The following PDE8B variants were observed in gnomAD, a reference collection of about 807,000 sequenced individuals.
PDE8B encodes high affinity cAMP-specific and IBMX-insensitive 3',5'-cyclic phosphodiesterase 8B.
In PDE8B, 26 loss-of-function variants were observed where a neutral mutation model predicts 101.3. The observed-to-expected ratio is 0.26, with a 90% CI of 0.19 to 0.36. The LOEUF is 0.36. PDE8B is among the 10% of genes least tolerant of loss of function. The probability of loss-of-function intolerance (pLI) is 1.00; values close to 1 mark genes in which losing one functional copy is unlikely to be tolerated. For synonymous variants in PDE8B, 424 were observed against 429.3 expected (o/e 0.99, Z 0.15); for missense variants, 810 against 1,163.1 (o/e 0.70, Z 4.42).
chr5:77,210,672 G>C (rs1198145202), upstream of PDE8B: 23 of 980,952 alleles, frequency 2.3e-5, no homozygotes, highest in Non-Finnish European at 2.3e-5. The surrounding 1 kb of genome is among the most constrained non-coding windows in gnomAD (Gnocchi z 4.9). Flanking sequence ...TGGTGCGCGC[G>C]GGGCGCTGTG....
intron 1 of PDE8B, among the ~76,000 whole-genome samples, chr5:77,311,638 T>C (rs186307769): frequency 1.1e-3 from 170 of 152,342 alleles, no homozygotes; most frequent in African/African-American, 3.0e-3. Context: ...CAGCACATAG[T>C]AGGTGCTCAA....
At chr5:77,404,107 C>T (rs1260234139) in intron 11 of PDE8B, among the ~76,000 whole-genome samples, 1 of 152,214 alleles carries the variant, frequency 6.6e-6, no homozygotes, top group Non-Finnish European at 1.5e-5. Flanking sequence ...CCTGCCTCAG[C>T]CTCCTGGGTA....
chr5:77,095,911 AC>A, the PDE8B span, among the ~76,000 whole-genome samples: 1 of 152,008 alleles, frequency 6.6e-6, no homozygotes, highest in African/African-American at 2.4e-5. Flanking sequence ...CTCAAACTAG[AC>A]CCTATTCAGA....
At chr5:77,393,069 C>T (rs1306038222) in intron 10 of PDE8B, among the ~76,000 whole-genome samples, 1 of 152,074 alleles carries the variant, frequency 6.6e-6, no homozygotes, top group Non-Finnish European at 1.5e-5. Flanking sequence ...AGGTTTAGCC[C>T]AAATTGTAGG....
rs945199695 is a variant in PDE8B, at chr5:77,413,374, T to C, written c.1911+65T>C. The C allele has an allele frequency of 1.1e-5, 15 of 1,397,922 alleles. 1 individual carries two copies. The African/African-American group carries it at 2.1e-4, about 20-fold the overall frequency. The allele number at this position is 1,397,922 out of a possible 1,614,324, so 86.6% of individuals were successfully genotyped here. A position where few individuals can be genotyped will look rare whatever the true frequency, so the allele number is the denominator to read the frequency against. Reference sequence around the variant, plus strand: ...TGGAGATCCAAGAACTTAATCTTAGTAAATACATTAGGCAAACAGCTATTT... The same window carrying C: ...TGGAGATCCAAGAACTTAATCTTAGCAAATACATTAGGCAAACAGCTATTT... On this transcript the variant is annotated intron_variant, in intron 17 of 21. Coordinates refer to ENST00000264917, the MANE Select transcript of PDE8B (RefSeq NM_003719.5).
At chr5:77,408,870 G>A (rs1328673906) in intron 13 of PDE8B, 23 bp from the exon 14 acceptor site, 9 of 1,596,058 alleles carry the variant, frequency 5.6e-6, no homozygotes, top group Non-Finnish European at 7.7e-6. Flanking sequence ...ATCCTCAGAT[G>A]TATTCTTTCT....
intron 1 of PDE8B, among the ~76,000 whole-genome samples, chr5:77,224,795 T>C (rs1235246253): frequency 6.6e-6 from 1 of 152,228 alleles, no homozygotes; most frequent in African/African-American, 2.4e-5. Context: ...CTTTTTCTCT[T>C]ACAATTTGTT....
chr5:77,183,910 A>C, the PDE8B span, among the ~76,000 whole-genome samples: 4 of 152,192 alleles, frequency 2.6e-5, no homozygotes, highest in East Asian at 7.7e-4. Flanking sequence ...TTTCTGGTGA[A>C]TCTGTTCCTA....
chr5:77,386,404 G>A (rs1788631929), intron 10 of PDE8B, among the ~76,000 whole-genome samples: 1 of 152,118 alleles, frequency 6.6e-6, no homozygotes, highest in Non-Finnish European at 1.5e-5. Flanking sequence ...ATTATTGTGT[G>A]GGAGTCTAAG....
At position 77,331,398 on chromosome 5, in the gene PDE8B, G is replaced by A; in HGVS notation, c.651-4G>A. On this transcript the variant is annotated splice_region_variant and splice_polypyrimidine_tract_variant and intron_variant, in intron 4 of 21. Transcript: ENST00000264917. ...GAGTGACCACATTTTCTGCTTTGCT[G>A]CAGATCGGATGACCATGAAGAGGCG... 6.2e-7 allele frequency: 1 copy of A among 1,613,506 alleles called. No individual in the cohort carries two copies. The highest frequency in any genetic ancestry group is 1.3e-5 in the African/African-American group (1 of 75,006).
intron 20 of PDE8B, among the ~76,000 whole-genome samples, chr5:77,423,538 T>C (rs1043219637): frequency 2.6e-5 from 4 of 152,162 alleles, no homozygotes; most frequent in African/African-American, 7.2e-5. Context: ...ATTTTCTGAC[T>C]TTTTAATAGC....
upstream of PDE8B, among the ~76,000 whole-genome samples, chr5:77,207,532 TTA>T (rs200203912): frequency 2.6e-4 from 39 of 152,056 alleles, 1 homozygote; most frequent in East Asian, 7.9e-3. Context: ...CTCCACTTAA[TTA>T]TTTTTTTAAT....
chr5:77,281,874 C>A (rs116073116), intron 1 of PDE8B, among the ~76,000 whole-genome samples: 1 of 152,178 alleles, frequency 6.6e-6, no homozygotes, highest in East Asian at 1.9e-4. Flanking sequence ...GCTACTCCAA[C>A]CCCTACCCCA....
intron 1 of PDE8B, among the ~76,000 whole-genome samples, chr5:77,297,618 G>C (rs1015251233): frequency 2.6e-5 from 4 of 152,108 alleles, no homozygotes. Flanking sequence ...ATTTCAACCA[G>C]AGTGATCCAG....
chr5:77,263,560 T>A (rs1259045662), intron 1 of PDE8B, among the ~76,000 whole-genome samples: 1 of 152,160 alleles, frequency 6.6e-6, no homozygotes, highest in African/African-American at 2.4e-5. Flanking sequence ...TTCCTTCCCC[T>A]ACCCATCAAA....
chr5:77,225,760 C>T (rs566318286), intron 1 of PDE8B, among the ~76,000 whole-genome samples: 11 of 151,966 alleles, frequency 7.2e-5, no homozygotes, highest in Middle Eastern at 3.4e-3. Flanking sequence ...GTCAGTCTTA[C>T]GTTTCTATTT....
chr5:77,333,418 T>C (rs1161621673), intron 5 of PDE8B, among the ~76,000 whole-genome samples: 1 of 152,220 alleles, frequency 6.6e-6, no homozygotes, highest in East Asian at 1.9e-4. Flanking sequence ...CTGTGTAATA[T>C]TGACCCCCCG....
chr5:77,186,508 T>A, the PDE8B span, among the ~76,000 whole-genome samples: 1 of 152,188 alleles, frequency 6.6e-6, no homozygotes, highest in South Asian at 2.1e-4. Flanking sequence ...GCCTGCAACC[T>A]TTTCCCGTTG....
At chr5:77,249,710 A>G (rs1043827532) in intron 1 of PDE8B, among the ~76,000 whole-genome samples, 11 of 152,254 alleles carry the variant, frequency 7.2e-5, no homozygotes, top group Admixed American at 2.6e-4. Context: ...TGTTAGCGGC[A>G]TCCTGCCTTA....
Sources: allele counts gnomAD v4.1 joint callset (sites outside exome capture counted in the v4.1 genomes callset), GRCh38; gene constraint gnomAD v4.1.1; non-coding constraint Gnocchi (gnomAD v3.1); transcripts MANE v1.5; gene names NCBI Gene and HGNC (gene_info 2026-07-23, HGNC 2026-07-21).